The following AAK1 variants were observed in gnomAD, a reference collection of about 807,000 sequenced individuals.
AAK1 encodes the protein AP2 associated kinase 1, also known as AP2-associated protein kinase 1.
In AAK1, 37 loss-of-function variants were observed where a neutral mutation model predicts 116.0. The ratio of observed to expected loss-of-function variants is 0.32; its 90% CI spans 0.25 to 0.42. The LOEUF is 0.42. Ranked by LOEUF, AAK1 falls within the 10% of genes least tolerant of loss-of-function variation. AAK1 has a pLI of 1.00. For synonymous variants in AAK1, 458 were observed against 439.9 expected (o/e 1.04, Z -0.51); for missense variants, 919 against 1,170.6 (o/e 0.79, Z 3.14).
At chr2:69,487,884 G>A (rs1675363610) in intron 17 of AAK1, among the ~76,000 whole-genome samples, 1 of 150,600 alleles carries the variant, frequency 6.6e-6, no homozygotes, top group Non-Finnish European at 1.5e-5. Flanking sequence ...CCGCCTCCTA[G>A]GTTCAAGCAA....
chr2:69,578,553 T>G (rs1672408596), intron 2 of AAK1, among the ~76,000 whole-genome samples: 1 of 152,098 alleles, frequency 6.6e-6, no homozygotes, highest in Non-Finnish European at 1.5e-5. Flanking sequence ...GGAGCCACCA[T>G]TCCTCCCTTT....
chr2:69,509,565 C>T, intron 13 of AAK1, 105 bp from the exon 14 acceptor site: 1 of 952,164 alleles, frequency 1.1e-6, no homozygotes, highest in Non-Finnish European at 1.6e-6. Flanking sequence ...GCCACATAAG[C>T]ACTAACATGA....
chr2:69,461,723 C>A lies in AAK1; in HGVS notation c.*14146G>T, dbSNP rs988043196. On this transcript the variant is annotated 3_prime_UTR_variant, in exon 22 of 22. Transcript: ENST00000409085. ...AATTCTGCCTCAGCCTCCCTAGTAACTGGGACTACAGGTGCGTGCCATCAC... is the reference window on the plus strand; with the variant it reads ...AATTCTGCCTCAGCCTCCCTAGTAAATGGGACTACAGGTGCGTGCCATCAC... The A allele has an allele frequency of 4.8e-5, 19 of 396,076 alleles. No individual in the cohort carries two copies. Among genetic ancestry groups the A allele is most frequent in the Non-Finnish European group, 8.0e-5 (16 of 199,392 alleles). 24.5% of individuals were successfully genotyped at this position (396,076 alleles called of 1,614,324 possible).
At chr2:69,613,753 C>T (rs955432366) in intron 2 of AAK1, among the ~76,000 whole-genome samples, 10 of 152,234 alleles carry the variant, frequency 6.6e-5, no homozygotes, top group African/African-American at 2.2e-4. Context: ...CATCCCTTGT[C>T]CTAGGTAGCT....
intron 2 of AAK1, among the ~76,000 whole-genome samples, chr2:69,560,765 A>G (rs1050368855): frequency 1.3e-5 from 2 of 152,190 alleles, no homozygotes; most frequent in Admixed American, 6.5e-5. Flanking sequence ...ATAGCTCACC[A>G]TGAGTTTAGA....
Position 69,472,009 on chromosome 2 carries a change from C to G in AAK1, c.*3860G>C, listed in dbSNP as rs990066455. 1.5e-5 allele frequency: 15 copies of G among 985,146 alleles called. No homozygotes were observed. The Admixed American group carries it at 9.2e-4, about 61-fold the overall frequency. 61.0% of individuals were successfully genotyped at this position (985,146 alleles called of 1,614,324 possible). Reference sequence around the variant, plus strand: ...AATTCTAATTCAGGAAGAGCGAAGTCCAATATCAAATAACACTGAACAAAG... The same window carrying G: ...AATTCTAATTCAGGAAGAGCGAAGTGCAATATCAAATAACACTGAACAAAG... On this transcript the variant is annotated 3_prime_UTR_variant, in exon 22 of 22. Transcript: ENST00000409085.
chr2:69,508,982 A>G (rs1025804143), intron 14 of AAK1, among the ~76,000 whole-genome samples: 2 of 152,250 alleles, frequency 1.3e-5, no homozygotes, highest in African/African-American at 4.8e-5. Context: ...GCCAAGTAGG[A>G]AAAGATTTCT....
At chr2:69,593,222 T>C (rs1174478457) in intron 2 of AAK1, among the ~76,000 whole-genome samples, 1 of 152,184 alleles carries the variant, frequency 6.6e-6, no homozygotes, top group Non-Finnish European at 1.5e-5. Context: ...AGATGCTTTA[T>C]GCAGTGTTAA....
intron 13 of AAK1, among the ~76,000 whole-genome samples, chr2:69,512,158 CG>C (rs1391857781): frequency 3.3e-5 from 5 of 151,992 alleles, no homozygotes; most frequent in African/African-American, 1.2e-4. Flanking sequence ...AGAGAGACCA[CG>C]GGAGAAGGAA....
chr2:69,544,584 T>A, intron 3 of AAK1, 40 bp from the exon 4 acceptor site: 1 of 1,448,562 alleles, frequency 6.9e-7, no homozygotes, highest in Non-Finnish European at 9.7e-7. Context: ...TAGTTTCAGA[T>A]GCCAATAGGA....
intron 2 of AAK1, among the ~76,000 whole-genome samples, chr2:69,632,708 C>T (rs1015493700): frequency 1.3e-5 from 2 of 152,016 alleles, no homozygotes; most frequent in Non-Finnish European, 2.9e-5. Context: ...ACCATCCTGG[C>T]TAACATGGTG....
rs192287459 is a variant in AAK1 at position 69,619,583 on chromosome 2, C to G, written c.163+23295G>C. Among the ~76,000 whole-genome samples, 224 of 152,232 alleles carry G rather than the reference C, an allele frequency of 1.5e-3. 1 individual carries two copies. Among genetic ancestry groups the G allele is most frequent in the African/African-American group, 4.8e-3 (200 of 41,516 alleles). On this transcript the variant is annotated intron_variant, in intron 2 of 21. Coordinates refer to ENST00000409085, the MANE Select transcript of AAK1 (RefSeq NM_014911.5). ...AGTTCCAAAGAGGAGAGACAATACA[C>G]AAACAAGCACGTTATATAGCAGAGC...
chr2:69,468,712 G>A lies in AAK1; in HGVS notation c.*7157C>T. ...ACTGGCAAAAAAGCAGCTATCTATT[G>A]AACCAGGGGCACTTTGGATGCCTGA... On this transcript the variant is annotated 3_prime_UTR_variant, in exon 22 of 22. Transcript: ENST00000409085. 1 of 985,384 alleles carries A rather than the reference G, an allele frequency of 1.0e-6. No individual in the cohort carries two copies. The highest frequency in any genetic ancestry group is 1.2e-6 in the Non-Finnish European group (1 of 829,936). 61.0% of individuals were successfully genotyped at this position (985,384 alleles called of 1,614,324 possible). A position where few individuals can be genotyped will look rare whatever the true frequency, so the allele number is the denominator to read the frequency against.
chr2:69,498,042 T>A (rs187458602), intron 16 of AAK1, among the ~76,000 whole-genome samples: 1 of 114,150 alleles, frequency 8.8e-6, no homozygotes, highest in African/African-American at 3.4e-5. Flanking sequence ...ACCCCACTCA[T>A]GTCTCTCTGC....
chr2:69,637,678 A>AG (rs984353818), intron 2 of AAK1, among the ~76,000 whole-genome samples: 2 of 152,208 alleles, frequency 1.3e-5, no homozygotes, highest in African/African-American at 4.8e-5. Flanking sequence ...CATCCTTGAA[A>AG]GGGTGCAAGA....
Position 69,475,219 on chromosome 2 carries a change from G to T in AAK1, c.*650C>A. Reference sequence around the variant, plus strand: ...GACGAATGCTGGGCAGGTTGCATGGGGTGTAAAATCCCTTGGCTAAGTCTA... The same window carrying T: ...GACGAATGCTGGGCAGGTTGCATGGTGTGTAAAATCCCTTGGCTAAGTCTA... On this transcript the variant is annotated 3_prime_UTR_variant, in exon 22 of 22. Coordinates refer to ENST00000409085, the MANE Select transcript of AAK1 (RefSeq NM_014911.5). The T allele has an allele frequency of 1.0e-6, 1 of 985,844 alleles. No individual in the cohort carries two copies. Among genetic ancestry groups the T allele is most frequent in the Non-Finnish European group, 1.2e-6 (1 of 829,962 alleles). 61.1% of individuals were successfully genotyped at this position (985,844 alleles called of 1,614,324 possible). A position where few individuals can be genotyped will look rare whatever the true frequency, so the allele number is the denominator to read the frequency against.
In AAK1 at chr2:69,459,339, G is replaced by C. The variant is rs925613723; in HGVS notation, c.*16530C>G. On this transcript the variant is annotated 3_prime_UTR_variant, in exon 22 of 22. Coordinates refer to ENST00000409085, the MANE Select transcript of AAK1 (RefSeq NM_014911.5). Reference sequence around the variant, plus strand: ...AGTGCAGTGACACGATCTTGGCTTAGTGCAACCTCTGCCTCCCGTGCTCAA... The same window carrying C: ...AGTGCAGTGACACGATCTTGGCTTACTGCAACCTCTGCCTCCCGTGCTCAA... The C allele has an allele frequency of 2.0e-5, 3 of 152,262 alleles. No individual in the cohort carries two copies. The highest frequency in any genetic ancestry group is 6.5e-5 in the Admixed American group (1 of 15,276). The allele number at this position is 152,262 out of a possible 1,614,324, so 9.4% of individuals were successfully genotyped here.
chr2:69,478,778 TCTCA>T (rs1470614459), intron 20 of AAK1, 169 bp downstream of exon 20: 10 of 564,328 alleles, frequency 1.8e-5, no homozygotes, highest in South Asian at 1.6e-4. Flanking sequence ...TAGTAAATAT[TCTCA>T]CTGAGAGGTA....
chr2:69,598,897 C>T, intron 2 of AAK1: 2 of 315,756 alleles, frequency 6.3e-6, no homozygotes, highest in East Asian at 1.0e-4. Context: ...GCTTTTTTTA[C>T]AAGGAGATCA....
Sources: gnomAD v4.1 joint callset for allele counts (sites outside exome capture counted in the v4.1 genomes callset) on GRCh38, gnomAD v4.1.1 for gene constraint, MANE v1.5 for transcripts, NCBI Gene and HGNC (gene_info 2026-07-23, HGNC 2026-07-21) for gene names.